Variants in TRPC4 observed in about 807,000 individuals in gnomAD.
The protein encoded by TRPC4 is short transient receptor potential channel 4.
Under a neutral mutation model 99.4 loss-of-function variants are expected in TRPC4, and 49 were observed. The ratio of observed to expected loss-of-function variants is 0.49; its 90% CI spans 0.39 to 0.63. TRPC4 has a LOEUF of 0.63. Ranked by LOEUF, TRPC4 falls within the 20% of genes least tolerant of loss-of-function variation. The pLI, the probability that TRPC4 is intolerant of heterozygous loss-of-function variation, is 0.00. For missense variants in TRPC4, 898 were observed against 1,152.9 expected, an observed-to-expected ratio of 0.78 and a Z score of 3.20; for synonymous variants, 454 against 425.9, an observed-to-expected ratio of 1.07 and a Z score of -0.81.
At chr13:37,853,944 A>G (rs2139687111) in intron 1 of TRPC4, among the ~76,000 whole-genome samples, 1 of 152,246 alleles carries the variant, frequency 6.6e-6, no homozygotes, top group Non-Finnish European at 1.5e-5. Flanking sequence ...AATAGCCTCA[A>G]AAGGGTAAAT....
intron 5 of TRPC4, among the ~76,000 whole-genome samples, chr13:37,665,620 A>G (rs1310677042): frequency 1.3e-5 from 2 of 152,106 alleles, no homozygotes. Context: ...AGAGGAAGTG[A>G]TTAATTCTGT....
chr13:37,651,230 A>G, intron 8 of TRPC4, 35 bp downstream of exon 8: 7 of 1,609,078 alleles, frequency 4.4e-6, no homozygotes, highest in Non-Finnish European at 5.9e-6. Flanking sequence ...TACACAATTT[A>G]AAAAAAGAGT....
intron 3 of TRPC4, among the ~76,000 whole-genome samples, chr13:37,698,810 G>C (rs533029569): frequency 1.6e-4 from 24 of 152,128 alleles, no homozygotes; most frequent in South Asian, 2.1e-4. Context: ...TGCCAATAGG[G>C]GACTTAAACC....
intron 2 of TRPC4, among the ~76,000 whole-genome samples, chr13:37,757,095 A>AAC (rs1387877706): frequency 6.6e-6 from 1 of 151,638 alleles, no homozygotes; most frequent in Non-Finnish European, 1.5e-5. Context: ...TACATTAAAA[A>AAC]ATATGCAATG....
At chr13:37,769,135 A>G (rs1176028495) in intron 2 of TRPC4, among the ~76,000 whole-genome samples, 2 of 151,490 alleles carry the variant, frequency 1.3e-5, no homozygotes, top group African/African-American at 4.8e-5. Flanking sequence ...TGCATAGTGA[A>G]AAAACTATAA....
chr13:37,658,265 G>A (rs1566074442), intron 6 of TRPC4, among the ~76,000 whole-genome samples: 1 of 152,164 alleles, frequency 6.6e-6, no homozygotes, highest in Non-Finnish European at 1.5e-5. Context: ...TTGGGTTGAA[G>A]ACTAAATCCT....
intron 6 of TRPC4, among the ~76,000 whole-genome samples, chr13:37,656,703 T>A (rs1034525283): frequency 2.3e-4 from 35 of 152,046 alleles, no homozygotes; most frequent in Admixed American, 6.6e-4. Flanking sequence ...TGATGTGGAG[T>A]CAGAGTCACT....
At position 37,765,750 on chromosome 13, in the gene TRPC4, AT is replaced by A. The variant is rs1332189503; in HGVS notation, c.378+17205del. On this transcript the variant is annotated intron_variant, in intron 2 of 10. Coordinates refer to ENST00000379705, the MANE Select transcript of TRPC4 (RefSeq NM_016179.4). Reference sequence around the variant, plus strand: ...AAGGGCGTTTGTTGATCTGTATTAAATATAGAAGATTGCATAAGTGCTTTAT... The same window carrying A: ...AAGGGCGTTTGTTGATCTGTATTAAAATAGAAGATTGCATAAGTGCTTTAT... Among the ~76,000 whole-genome samples the A allele has an allele frequency of 5.3e-5, 8 of 151,652 alleles. No homozygotes were observed. In the East Asian group the frequency reaches 1.4e-3, roughly 26 times the overall value.
intron 8 of TRPC4, among the ~76,000 whole-genome samples, chr13:37,643,489 G>T (rs569288554): frequency 3.3e-5 from 5 of 152,290 alleles, no homozygotes; most frequent in African/African-American, 1.2e-4. Context: ...CTCTTATAGA[G>T]AATGCAGTAT....
chr13:37,827,983 T>G lies in TRPC4; in HGVS notation c.-28+41612A>C, dbSNP rs958736943. On this transcript the variant is annotated intron_variant, in intron 1 of 10. Coordinates refer to ENST00000379705, the MANE Select transcript of TRPC4 (RefSeq NM_016179.4). ...GGGATATAATCTCGTGGTGGGCCGT[T>G]TTTTAAGCCCGTCGGAAAAGTGCAG... Among the ~76,000 whole-genome samples, 4 of 152,092 alleles carry G rather than the reference T, an allele frequency of 2.6e-5. No homozygotes were observed. The East Asian group carries it at 7.7e-4, about 29-fold the overall frequency.
rs184047525 is a variant in TRPC4 at position 37,692,849 on chromosome 13, G to C, written c.898-514C>G. On this transcript the variant is annotated intron_variant, in intron 3 of 10. Transcript: ENST00000379705. ...AAAGCAAATGAACTTTTCTTTATGA[G>C]GTACAAGCTAAATATACTTTTAATT... is the stretch of plus-strand genomic sequence containing the variant. Among the ~76,000 whole-genome samples the C allele has an allele frequency of 3.3e-5, 5 of 152,068 alleles. No individual in the cohort carries two copies. The East Asian group carries it at 9.7e-4, about 29-fold the overall frequency.
chr13:37,802,803 A>C (rs1566182017), intron 1 of TRPC4, among the ~76,000 whole-genome samples: 1 of 152,148 alleles, frequency 6.6e-6, no homozygotes, highest in Non-Finnish European at 1.5e-5. Context: ...AGATATAAAT[A>C]GTCCTTTTTC....
intron 8 of TRPC4, among the ~76,000 whole-genome samples, chr13:37,643,849 G>A (rs1190280687): frequency 1.3e-5 from 2 of 152,118 alleles, no homozygotes; most frequent in Admixed American, 1.3e-4. Context: ...AGCTTCTGGT[G>A]GTGGCTGTTA....
chr13:37,666,778 G>T (rs941682125), intron 5 of TRPC4, among the ~76,000 whole-genome samples: 1 of 152,062 alleles, frequency 6.6e-6, no homozygotes, highest in Non-Finnish European at 1.5e-5. Flanking sequence ...CCTCTTCTCA[G>T]TCTCCTTGGG....
Position 37,638,113 on chromosome 13 carries a change from G to A in TRPC4, c.2212-488C>T, listed in dbSNP as rs1951590766. Among the ~76,000 whole-genome samples the A allele has an allele frequency of 3.9e-5, 6 of 152,208 alleles. 1 individual carries two copies. The South Asian group carries it at 1.2e-3, about 32-fold the overall frequency. On this transcript the variant is annotated intron_variant, in intron 10 of 10. Coordinates refer to ENST00000379705, the MANE Select transcript of TRPC4 (RefSeq NM_016179.4). The stretch of plus-strand genomic sequence containing the variant: ...TAAAGAGGACCTTCCCCCTACATCT[G>A]GGTCAGCCTCTACATCCTGGGAATT...
chr13:37,737,292 T>C lies in TRPC4; in HGVS notation c.897+8645A>G, dbSNP rs146813815. On this transcript the variant is annotated intron_variant, in intron 3 of 10. Coordinates refer to ENST00000379705, the MANE Select transcript of TRPC4 (RefSeq NM_016179.4). ...ATAGCCACTCTTTCATGAGCAAATA[T>C]GCCAGGAAATATGCTAAGTTCTGTA... is the stretch of plus-strand genomic sequence containing the variant. 2.2e-4 allele frequency among the ~76,000 whole-genome samples: 33 copies of C among 151,914 alleles called. No homozygotes were observed. In the East Asian group the frequency reaches 6.2e-3, roughly 29 times the overall value.
At chr13:37,764,813 C>CTTTT (rs71096806) in intron 2 of TRPC4, among the ~76,000 whole-genome samples, 1 of 129,380 alleles carries the variant, frequency 7.7e-6, no homozygotes, top group African/African-American at 2.9e-5. Context: ...TTATCAAATG[C>CTTTT]TTTTTTTTTT....
At chr13:37,822,493 T>G (rs928948934) in intron 1 of TRPC4, among the ~76,000 whole-genome samples, 28 of 151,250 alleles carry the variant, frequency 1.9e-4, no homozygotes, top group Non-Finnish European at 3.1e-4. Context: ...ATTGTTTGAT[T>G]CCCATCTATG....
At chr13:37,659,798 T>G (rs1310576141) in intron 6 of TRPC4, among the ~76,000 whole-genome samples, 3 of 152,090 alleles carry the variant, frequency 2.0e-5, no homozygotes, top group African/African-American at 7.2e-5. Context: ...ATGGAAGGGA[T>G]GAGAAGAAGG....
Sources: allele counts gnomAD v4.1 joint callset (sites outside exome capture counted in the v4.1 genomes callset), GRCh38; gene constraint gnomAD v4.1.1; transcripts MANE v1.5; gene names NCBI Gene and HGNC (gene_info 2026-07-23, HGNC 2026-07-21).